Variants in ALDH2 observed in about 807,000 individuals in gnomAD.
ALDH2 encodes aldehyde dehydrogenase, mitochondrial.
In ALDH2, 44 loss-of-function variants were observed where a neutral mutation model predicts 59.6. The observed-to-expected ratio is 0.74, with a 90% CI of 0.58 to 0.95. ALDH2 has a LOEUF of 0.95. ALDH2 is among the 40% of genes least tolerant of loss of function. The probability of loss-of-function intolerance (pLI) is 0.00; values close to 1 mark genes in which losing one functional copy is unlikely to be tolerated. For missense variants in ALDH2, 570 were observed against 696.3 expected (o/e 0.82, Z 2.04); for synonymous variants, 291 against 284.0 (o/e 1.02, Z -0.25).
chr12:111,794,862 TG>T (rs2068390309), intron 9 of ALDH2, among the ~76,000 whole-genome samples: 1 of 152,172 alleles, frequency 6.6e-6, no homozygotes, highest in South Asian at 2.1e-4. Flanking sequence ...TAGCATAAAA[TG>T]CACCATTTTA....
chr12:111,797,439 A>G (rs535918955), intron 9 of ALDH2, among the ~76,000 whole-genome samples: 1 of 152,234 alleles, frequency 6.6e-6, no homozygotes, highest in South Asian at 2.1e-4. Context: ...TGTCTCTACT[A>G]AAAATACAAA....
At chr12:111,775,626 C>T (rs1566181677) in intron 1 of ALDH2, 2 of 455,270 alleles carry the variant, frequency 4.4e-6, no homozygotes, top group African/African-American at 4.0e-5. Context: ...AATGTCAACT[C>T]CAGACATCAC....
At chr12:111,792,416 G>A (rs932730285) in intron 8 of ALDH2, among the ~76,000 whole-genome samples, 182 bp from the exon 9 acceptor site, 6 of 152,204 alleles carry the variant, frequency 3.9e-5, no homozygotes, top group Admixed American at 2.6e-4. Flanking sequence ...CCGCCATCAC[G>A]CCCTTTGTCC....
At chr12:111,792,379 G>A (rs1852277350) in intron 8 of ALDH2, among the ~76,000 whole-genome samples, 1 of 152,234 alleles carries the variant, frequency 6.6e-6, no homozygotes, top group East Asian at 1.9e-4. Flanking sequence ...GCTAGGCCAC[G>A]CCCCTGCTAT....
At chr12:111,791,769 G>T (rs2068361194) in intron 7 of ALDH2, among the ~76,000 whole-genome samples, 1 of 152,316 alleles carries the variant, frequency 6.6e-6, no homozygotes, top group East Asian at 1.9e-4. Context: ...TTGTGTGGTG[G>T]TGTGTGCGTG....
chr12:111,785,330 G>C lies in ALDH2; in HGVS notation c.424G>C (p.Val142Leu). The change falls in exon 4 of 13, where the codon GTC becomes CTC. Residue 142 changes from valine to leucine, a missense_variant. By Grantham distance (32) the Val-to-Leu change is conservative. Coordinates refer to ENST00000261733, the MANE Select transcript of ALDH2 (RefSeq NM_000690.4). ...CTCCTACCTGGTGGATTTGGACATGGTCCTCAAATGTCTCCGGTATGGGCT... is the reference window on the plus strand; with the variant it reads ...CTCCTACCTGGTGGATTTGGACATGCTCCTCAAATGTCTCCGGTATGGGCT... The part of the protein sequence containing the change: ...VISYLVDLDM[V>L]LKCLRYYAGW... The C allele has an allele frequency of 1.2e-6, 2 of 1,613,952 alleles. No homozygotes were observed. Among genetic ancestry groups the C allele is most frequent in the South Asian group, 2.2e-5 (2 of 91,084 alleles).
intron 11 of ALDH2, among the ~76,000 whole-genome samples, chr12:111,802,150 A>C (rs2068456685): frequency 6.6e-6 from 1 of 152,138 alleles, no homozygotes; most frequent in Non-Finnish European, 1.5e-5. Flanking sequence ...GTGGTGGTTC[A>C]CACCTGTAAT....
intron 1 of ALDH2, among the ~76,000 whole-genome samples, chr12:111,777,609 C>T (rs1400645515): frequency 2.6e-5 from 4 of 152,138 alleles, no homozygotes; most frequent in Admixed American, 6.6e-5. Flanking sequence ...CCCCCACGCC[C>T]GTGAGCCCCC....
intron 1 of ALDH2, among the ~76,000 whole-genome samples, chr12:111,774,661 A>C (rs2068222665): frequency 6.6e-6 from 1 of 152,042 alleles, no homozygotes; most frequent in Non-Finnish European, 1.5e-5. Context: ...TACTGAACAC[A>C]GTTTAGCCTT....
chr12:111,767,951 C>T (rs978093573), intron 1 of ALDH2, among the ~76,000 whole-genome samples: 2 of 152,202 alleles, frequency 1.3e-5, no homozygotes, highest in African/African-American at 2.4e-5. Context: ...CACAGGCCCT[C>T]ATCAACCAGT....
At chr12:111,783,416 G>T in intron 3 of ALDH2, 118 bp downstream of exon 3, 4 of 1,282,630 alleles carry the variant, frequency 3.1e-6, no homozygotes, top group Non-Finnish European at 3.2e-6. Context: ...ATCTGACACG[G>T]GACTGATGGG....
intron 1 of ALDH2, among the ~76,000 whole-genome samples, chr12:111,776,900 G>A (rs959703741): frequency 6.6e-6 from 1 of 152,160 alleles, no homozygotes; most frequent in African/African-American, 2.4e-5. Flanking sequence ...GTCCAGGCTG[G>A]TCTCGAACTC....
At chr12:111,771,993 G>A (rs978092281) in intron 1 of ALDH2, among the ~76,000 whole-genome samples, 13 of 152,056 alleles carry the variant, frequency 8.5e-5, no homozygotes, top group South Asian at 2.1e-4. Context: ...CAGCTACTCC[G>A]GAGGCTGAGG....
At chr12:111,791,875 C>T (rs1394854128) in intron 7 of ALDH2, among the ~76,000 whole-genome samples, 186 bp from the exon 8 acceptor site, 2 of 152,088 alleles carry the variant, frequency 1.3e-5, no homozygotes, top group East Asian at 3.9e-4. Flanking sequence ...GCACTCCAGC[C>T]TAGGTGACAG....
chr12:111,801,548 A>T (rs1335049624), intron 11 of ALDH2, among the ~76,000 whole-genome samples: 4 of 151,800 alleles, frequency 2.6e-5, no homozygotes. Context: ...AAAACACAAA[A>T]CTTAGCTGGC....
intron 1 of ALDH2, among the ~76,000 whole-genome samples, chr12:111,772,393 C>G (rs2068205645): frequency 6.6e-6 from 1 of 152,036 alleles, no homozygotes; most frequent in Non-Finnish European, 1.5e-5. Context: ...GAGATGTAGT[C>G]TCACTCTGTC....
rs116818840 is a variant in ALDH2 at position 111,767,999 on chromosome 12, C to T, written c.114+903C>T. On this transcript the variant is annotated intron_variant, in intron 1 of 12. Coordinates refer to ENST00000261733, the MANE Select transcript of ALDH2 (RefSeq NM_000690.4). ...AATCACAGCTCCTGTCCTGTCTGCA[C>T]AGCCTTTGTGCAGCACTGTTCTAAG... 2.0e-3 allele frequency among the ~76,000 whole-genome samples: 312 copies of T among 152,330 alleles called. 1 individual carries two copies. Among genetic ancestry groups the T allele is most frequent in the African/African-American group, 7.4e-3 (306 of 41,568 alleles).
rs2068560970 is a variant in ALDH2, at chr12:111,814,859, G to A, written c.*5284G>A. The A allele has an allele frequency of 6.6e-6, 1 of 150,530 alleles. No individual in the cohort carries two copies. Among genetic ancestry groups the A allele is most frequent in the African/African-American group, 2.4e-5 (1 of 40,946 alleles). 9.3% of individuals were successfully genotyped at this position (150,530 alleles called of 1,614,324 possible). ...CAAAAAAAAAAAAAAAAAAGTAAAT[G>A]CTATGTTATGTGAATTTCACCTCAA... On this transcript the variant is annotated 3_prime_UTR_variant, in exon 13 of 13. Transcript: ENST00000261733.
At position 111,767,206 on chromosome 12, in the gene ALDH2, G is replaced by A. The variant is rs1236669216; in HGVS notation, c.114+110G>A. Reference sequence around the variant, plus strand: ...CTTAGTGTACTCATCTGGGGCTCGAGGGGTTTGCAGAGGCTGACCTGGAAG... The same window carrying A: ...CTTAGTGTACTCATCTGGGGCTCGAAGGGTTTGCAGAGGCTGACCTGGAAG... On this transcript the variant is annotated intron_variant, in intron 1 of 12. Transcript: ENST00000261733. The A allele has an allele frequency of 3.4e-6, 3 of 886,388 alleles. No homozygotes were observed. In the African/African-American group the frequency reaches 5.4e-5, roughly 16 times the overall value. 54.9% of individuals were successfully genotyped at this position (886,388 alleles called of 1,614,324 possible). A position where few individuals can be genotyped will look rare whatever the true frequency, so the allele number is the denominator to read the frequency against.
Sources: allele counts gnomAD v4.1 joint callset (sites outside exome capture counted in the v4.1 genomes callset), GRCh38; gene constraint gnomAD v4.1.1; transcripts MANE v1.5; gene names NCBI Gene and HGNC (gene_info 2026-07-23, HGNC 2026-07-21).